Variants in KCNMB2 observed in about 807,000 individuals in gnomAD.
KCNMB2 encodes potassium calcium-activated channel subfamily M regulatory beta subunit 2, also known as calcium-activated potassium channel subunit beta-2.
A neutral mutation model predicts 24.5 loss-of-function variants in KCNMB2; 9 were observed. The observed-to-expected ratio is 0.37, with a 90% CI of 0.22 to 0.64. The LOEUF (loss-of-function observed/expected upper bound fraction) is 0.64. Ranked by LOEUF, KCNMB2 falls within the 30% of genes least tolerant of loss-of-function variation. The probability of loss-of-function intolerance (pLI) is 0.63; values close to 1 mark genes in which losing one functional copy is unlikely to be tolerated. For missense variants in KCNMB2, 226 were observed against 284.3 expected, an observed-to-expected ratio of 0.79 and a Z score of 1.47; for synonymous variants, 109 against 104.4, an observed-to-expected ratio of 1.04 and a Z score of -0.27.
chr3:178,590,757 T>C (rs1216024771), intron 1 of KCNMB2, among the ~76,000 whole-genome samples: 1 of 152,150 alleles, frequency 6.6e-6, no homozygotes, highest in African/African-American at 2.4e-5. Flanking sequence ...TAAGAGTACA[T>C]CATGACTGGT....
chr3:178,829,203 T>A (rs2108470675), intron 4 of KCNMB2, among the ~76,000 whole-genome samples: 1 of 152,316 alleles, frequency 6.6e-6, no homozygotes, highest in Non-Finnish European at 1.5e-5. Context: ...ATATGCAGAA[T>A]AATCTCATAT....
chr3:178,773,720 A>G (rs1376523222), intron 1 of KCNMB2, among the ~76,000 whole-genome samples: 1 of 152,176 alleles, frequency 6.6e-6, no homozygotes, highest in Admixed American at 6.5e-5. Flanking sequence ...TCTTGCTGAT[A>G]TAATTGCCAA....
chr3:178,546,944 C>T (rs1289883297), intron 1 of KCNMB2, among the ~76,000 whole-genome samples: 1 of 152,160 alleles, frequency 6.6e-6, no homozygotes, highest in Non-Finnish European at 1.5e-5. Context: ...GGAAAGATGG[C>T]CAGAAGAATA....
chr3:178,789,897 G>T (rs928296360), intron 1 of KCNMB2, among the ~76,000 whole-genome samples: 1 of 151,920 alleles, frequency 6.6e-6, no homozygotes, highest in Non-Finnish European at 1.5e-5. Flanking sequence ...GACTTGGTGG[G>T]TGCACAACCC....
intron 1 of KCNMB2, among the ~76,000 whole-genome samples, chr3:178,776,524 C>T (rs1286370252): frequency 6.6e-6 from 1 of 152,146 alleles, no homozygotes; most frequent in Non-Finnish European, 1.5e-5. Flanking sequence ...TGCTTAAAAG[C>T]ATGTGATGAA....
Position 178,664,026 on chromosome 3 carries a change from C to T in KCNMB2, c.-68+127315C>T, listed in dbSNP as rs115244346. The stretch of plus-strand genomic sequence containing the variant: ...CTAGAGGGGAGGGAAAAGAAAGAGT[C>T]GGGGTGTTCAAGGGTTACTGTTCTT... On this transcript the variant is annotated intron_variant, in intron 1 of 4. Transcript: ENST00000452583. Among the ~76,000 whole-genome samples the T allele has an allele frequency of 7.5e-3, 1,148 of 152,138 alleles. 15 individuals carry two copies. The highest frequency in any genetic ancestry group is 0.027 in the African/African-American group (1,111 of 41,516).
intron 4 of KCNMB2, 67 bp downstream of exon 4, chr3:178,828,440 A>G (rs1472471188): frequency 2.5e-6 from 3 of 1,219,264 alleles, no homozygotes; most frequent in East Asian, 4.9e-5. Flanking sequence ...CTGCCTCTGA[A>G]GTTCCCCTTT....
rs542735128 is a variant in KCNMB2, at chr3:178,758,630, ATCTCTC to A, written c.-67-48708_-67-48703del. Among the ~76,000 whole-genome samples, 33 of 13,070 alleles carry A rather than the reference ATCTCTC, an allele frequency of 2.5e-3. 2 individuals carry two copies. Among genetic ancestry groups the A allele is most frequent in the African/African-American group, 5.2e-3 (6 of 1,146 alleles). 8.6% of individuals were successfully genotyped at this position (13,070 alleles called of 152,430 possible). On this transcript the variant is annotated intron_variant, in intron 1 of 4. Coordinates refer to ENST00000452583, the MANE Select transcript of KCNMB2 (RefSeq NM_181361.3). The stretch of plus-strand genomic sequence containing the variant: ...TCTCCAAGAGGATATATATATATAT[ATCTCTC>A]TCTCCAAGAGGATATATATATATCT...
At chr3:178,788,959 A>C (rs1713215557) in intron 1 of KCNMB2, among the ~76,000 whole-genome samples, 1 of 152,208 alleles carries the variant, frequency 6.6e-6, no homozygotes, top group South Asian at 2.1e-4. Context: ...TATTTGTTGG[A>C]TAAAGAAGTG....
intron 1 of KCNMB2, among the ~76,000 whole-genome samples, chr3:178,670,323 A>T (rs886375455): frequency 1.3e-5 from 2 of 152,142 alleles, no homozygotes; most frequent in Non-Finnish European, 2.9e-5. Flanking sequence ...ACTAGATATC[A>T]TTAACACCAG....
At chr3:178,694,044 TG>T (rs1318683632) in intron 1 of KCNMB2, among the ~76,000 whole-genome samples, 5 of 152,142 alleles carry the variant, frequency 3.3e-5, no homozygotes, top group Admixed American at 3.3e-4. Flanking sequence ...TACCCGACAC[TG>T]GGTAATTTAT....
chr3:178,571,447 GATATATATATATATATATATATAT>G (rs71181237), intron 1 of KCNMB2, among the ~76,000 whole-genome samples: 11 of 91,100 alleles, frequency 1.2e-4, no homozygotes, highest in Middle Eastern at 6.2e-3. Context: ...TTTCCTTATG[GATATATATATATATATATATATAT>G]ATATATATAT....
At chr3:178,684,628 GACCAGCCTGACCAACA>G in intron 1 of KCNMB2, among the ~76,000 whole-genome samples, 1 of 152,104 alleles carries the variant, frequency 6.6e-6, no homozygotes, top group Non-Finnish European at 1.5e-5. Flanking sequence ...GGGAGTTCGT[GACCAGCCTGACCAACA>G]TGGAGAAACC....
intron 1 of KCNMB2, among the ~76,000 whole-genome samples, chr3:178,739,423 A>C (rs1166098310): frequency 1.1e-4 from 17 of 152,146 alleles, no homozygotes. Flanking sequence ...TCTGGGGACA[A>C]CTCCAGATTT....
chr3:178,619,250 T>C (rs1041921776), intron 1 of KCNMB2, among the ~76,000 whole-genome samples: 4 of 152,154 alleles, frequency 2.6e-5, no homozygotes, highest in African/African-American at 9.7e-5. Flanking sequence ...ATGGCAGATA[T>C]ATTTAAAATA....
rs551382649 is a variant in KCNMB2, at chr3:178,580,141, G to A, written c.-68+43430G>A. 1.5e-3 allele frequency among the ~76,000 whole-genome samples: 228 copies of A among 152,194 alleles called. 1 individual carries two copies. The highest frequency in any genetic ancestry group is 5.0e-3 in the African/African-American group (207 of 41,540). On this transcript the variant is annotated intron_variant, in intron 1 of 4. Coordinates refer to ENST00000452583, the MANE Select transcript of KCNMB2 (RefSeq NM_181361.3). The stretch of plus-strand genomic sequence containing the variant: ...ATCCTCAGTAAAATACTGGCAAACC[G>A]AATCCATCAGCACATCAAAAAGCTT...
intron 1 of KCNMB2, among the ~76,000 whole-genome samples, chr3:178,581,470 G>A (rs1717200909): frequency 6.6e-6 from 1 of 152,178 alleles, no homozygotes; most frequent in Non-Finnish European, 1.5e-5. Flanking sequence ...AAGTCTTCGT[G>A]ACTAAAACAC....
At chr3:178,580,080 A>T (rs370731967) in intron 1 of KCNMB2, among the ~76,000 whole-genome samples, 1 of 152,240 alleles carries the variant, frequency 6.6e-6, no homozygotes, top group Non-Finnish European at 1.5e-5. Context: ...AGAAAATTTC[A>T]GGCCAATATC....
chr3:178,601,407 TC>T (rs1285746096), intron 1 of KCNMB2, among the ~76,000 whole-genome samples: 6 of 152,122 alleles, frequency 3.9e-5, no homozygotes, highest in African/African-American at 1.4e-4. Flanking sequence ...CTTTAGAACC[TC>T]CCCACAACTA....
Sources: gnomAD v4.1 joint callset for allele counts (sites outside exome capture counted in the v4.1 genomes callset) on GRCh38, gnomAD v4.1.1 for gene constraint, MANE v1.5 for transcripts, NCBI Gene and HGNC (gene_info 2026-07-23, HGNC 2026-07-21) for gene names.